Variants in SLIT1 observed in about 807,000 individuals in gnomAD.
SLIT1 encodes the protein slit guidance ligand 1.
Under a neutral mutation model 186.1 loss-of-function variants are expected in SLIT1, and 66 were observed. The observed-to-expected ratio is 0.35, with a 90% CI of 0.29 to 0.44. SLIT1 has a LOEUF of 0.44. Ranked by LOEUF, SLIT1 falls within the 20% of genes least tolerant of loss-of-function variation. The pLI, the probability that SLIT1 is intolerant of heterozygous loss-of-function variation, is 1.00. For synonymous variants in SLIT1, 761 were observed against 833.8 expected (o/e 0.91, Z 1.50); for missense variants, 1,638 against 2,037.4 (o/e 0.80, Z 3.77).
intron 1 of SLIT1, among the ~76,000 whole-genome samples, chr10:97,168,624 C>T (rs1394580968): frequency 1.3e-5 from 2 of 152,176 alleles, no homozygotes; most frequent in African/African-American, 4.8e-5. Flanking sequence ...ACCACTCCCT[C>T]CCTGATTCCC....
At chr10:97,033,154 T>C (rs889126376) in intron 23 of SLIT1, among the ~76,000 whole-genome samples, 1 of 150,424 alleles carries the variant, frequency 6.6e-6, no homozygotes, top group African/African-American at 2.4e-5. Flanking sequence ...GCTCAAACCA[T>C]CCTCCCACCT....
Position 97,006,669 on chromosome 10 carries a change from A to G in SLIT1, c.3393T>C (p.Cys1131=), listed in dbSNP as rs200594842. 39 of 1,614,112 alleles carry G rather than the reference A, an allele frequency of 2.4e-5. No individual in the cohort carries two copies. Among genetic ancestry groups the G allele is most frequent in the Middle Eastern group, 1.6e-4 (1 of 6,062 alleles). The part of the protein sequence containing the change: ...PPHLPAPKSP[C]EGTECQNGAN... ...CCCCATTCTGGCACTCAGTCCCCTCACAGGGGCTCTTGGGGGCAGGCAGAT... is the reference window on the plus strand; with the variant it reads ...CCCCATTCTGGCACTCAGTCCCCTCGCAGGGGCTCTTGGGGGCAGGCAGAT... Residue 1131 remains cysteine (C), a synonymous_variant, in exon 32 of 37, where the codon TGT becomes TGC. Coordinates refer to ENST00000266058, the MANE Select transcript of SLIT1 (RefSeq NM_003061.3). This position sits in a 1 kb window ranked among gnomAD's most constrained non-coding sequence, Gnocchi z 4.0.
At chr10:97,085,147 T>A (rs981262805) in intron 4 of SLIT1, among the ~76,000 whole-genome samples, 5 of 151,858 alleles carry the variant, frequency 3.3e-5, no homozygotes, top group African/African-American at 1.2e-4. Flanking sequence ...ATGGTCTCAA[T>A]CTCCTGACCT....
chr10:97,034,441 G>T (rs762986337), intron 23 of SLIT1, 30 bp downstream of exon 23: 4 of 1,578,938 alleles, frequency 2.5e-6, no homozygotes, highest in Admixed American at 1.7e-5. Context: ...TGGCCCCGGG[G>T]CCCCCCACCC....
intron 4 of SLIT1, among the ~76,000 whole-genome samples, chr10:97,080,652 G>T (rs73320695): frequency 1.3e-5 from 2 of 152,292 alleles, no homozygotes; most frequent in African/African-American, 2.4e-5. Flanking sequence ...CAAACACCCG[G>T]AGCTGGGGCA....
rs1262027553 is a variant in SLIT1, at chr10:97,004,637, T to G, written c.3710+56A>C. On this transcript the variant is annotated intron_variant, in intron 33 of 36. Transcript: ENST00000266058. This position sits in a 1 kb window ranked among gnomAD's most constrained non-coding sequence, Gnocchi z 5.1. ...CCACCTGCTTTTGGCCCAGGAGACC[T>G]CGCCCTGGCAGTCCCGTACCCCTGA... 1.2e-6 allele frequency: 2 copies of G among 1,607,198 alleles called. No individual in the cohort carries two copies. The highest frequency in any genetic ancestry group is 1.7e-6 in the Non-Finnish European group (2 of 1,175,194).
intron 26 of SLIT1, among the ~76,000 whole-genome samples, chr10:97,020,802 G>C (rs998699666): frequency 1.3e-5 from 2 of 152,350 alleles, no homozygotes; most frequent in Admixed American, 6.5e-5. Flanking sequence ...GGAGGGTCCC[G>C]GGGCAAAGCC....
chr10:97,113,533 C>T (rs1215642651), intron 4 of SLIT1, among the ~76,000 whole-genome samples: 2 of 150,300 alleles, frequency 1.3e-5, no homozygotes, highest in Non-Finnish European at 3.0e-5. Context: ...CCACCATGCT[C>T]AGCCCCAAAC....
intron 1 of SLIT1, among the ~76,000 whole-genome samples, chr10:97,168,422 T>C (rs1277047716): frequency 1.3e-5 from 2 of 152,266 alleles, no homozygotes; most frequent in Non-Finnish European, 2.9e-5. Flanking sequence ...ACGATTTTTA[T>C]ATAGTTAATT....
At chr10:97,154,592 C>T (rs1015669763) in intron 4 of SLIT1, 10 of 152,198 alleles carry the variant, frequency 6.6e-5, no homozygotes, top group African/African-American at 2.4e-4. Context: ...TAGAAACACC[C>T]CCCCAAAGGG....
intron 4 of SLIT1, among the ~76,000 whole-genome samples, chr10:97,084,668 C>T (rs1475602296): frequency 1.4e-5 from 2 of 147,974 alleles, no homozygotes; most frequent in Non-Finnish European, 1.5e-5. Flanking sequence ...TGCAATGGCT[C>T]GATCTCAACT....
At chr10:97,048,801 G>A (rs913964952) in intron 14 of SLIT1, among the ~76,000 whole-genome samples, 154 bp downstream of exon 14, 10 of 150,456 alleles carry the variant, frequency 6.6e-5, no homozygotes, top group African/African-American at 2.2e-4. Context: ...GTGGGTAGGC[G>A]GGCAGGTATG....
chr10:97,044,778 T>C (rs901468188), intron 18 of SLIT1, among the ~76,000 whole-genome samples: 1 of 152,228 alleles, frequency 6.6e-6, no homozygotes, highest in African/African-American at 2.4e-5. Flanking sequence ...TACTCCATCT[T>C]TAGGAATTCC....
chr10:97,040,019 G>C lies in SLIT1; in HGVS notation c.2266C>G (p.Pro756Ala). The C allele has an allele frequency of 6.2e-7, 1 of 1,613,694 alleles. No individual in the cohort carries two copies. The change falls in exon 21 of 37, where the codon CCC (proline) becomes GCC (alanine). Residue 756 changes from proline (P) to alanine (A), a missense_variant. By Grantham distance (27) the Pro-to-Ala change is conservative (BLOSUM62 -1). Coordinates refer to ENST00000266058, the MANE Select transcript of SLIT1 (RefSeq NM_003061.3). ...GTGACATTCTTGGGAATGCCCTTGG[G>C]CAGGGCCCGCAGGTGCTTGTTGCTG... ...RCSNKHLRAL[P>A]KGIPKNVTEL...
chr10:97,001,642 C>T (rs867370090), intron 36 of SLIT1, among the ~76,000 whole-genome samples: 33 of 152,242 alleles, frequency 2.2e-4, no homozygotes, highest in African/African-American at 7.0e-4. Flanking sequence ...CTGGAGGCCC[C>T]GGGGGCAATA....
chr10:97,116,347 G>A (rs535331213), intron 4 of SLIT1, among the ~76,000 whole-genome samples: 2 of 152,122 alleles, frequency 1.3e-5, no homozygotes, highest in Non-Finnish European at 2.9e-5. Context: ...TGAGCTAGCC[G>A]AAGCCCACTG....
intron 4 of SLIT1, among the ~76,000 whole-genome samples, chr10:97,133,636 G>C (rs778295595): frequency 6.6e-6 from 1 of 152,166 alleles, no homozygotes; most frequent in Non-Finnish European, 1.5e-5. Flanking sequence ...AAATCATTAT[G>C]ATGGTAAATT....
In SLIT1 at chr10:97,040,085, A is replaced by G. The variant is rs773799100; in HGVS notation, c.2200T>C (p.Cys734Arg). The G allele has an allele frequency of 6.3e-7, 1 of 1,598,482 alleles. No individual in the cohort carries two copies. Among genetic ancestry groups the G allele is most frequent in the African/African-American group, 1.3e-5 (1 of 74,330 alleles). Residue 734 changes from cysteine to arginine, a missense_variant, in exon 21 of 37, where the codon TGC becomes CGC. Physicochemically the swap from Cys to Arg is radical, Grantham distance 180. Coordinates refer to ENST00000266058, the MANE Select transcript of SLIT1 (RefSeq NM_003061.3). ...TCCAGGCAGGCGCACTCCTGTGGGC[A>G]CTGTGGGCGGGGCAGGCAGCCCCCC... The part of the protein sequence containing the change: ...EEGGCLPRPQ[C>R]PQECACLDTV...
intron 1 of SLIT1, among the ~76,000 whole-genome samples, chr10:97,174,209 C>G (rs1850227599): frequency 6.6e-6 from 1 of 152,222 alleles, no homozygotes; most frequent in Admixed American, 6.5e-5. Context: ...AGGCCAGTCT[C>G]CCAGCTACCT....
Sources: gnomAD v4.1 joint callset for allele counts (sites outside exome capture counted in the v4.1 genomes callset) on GRCh38, gnomAD v4.1.1 for gene constraint, Gnocchi (gnomAD v3.1) non-coding constraint, MANE v1.5 for transcripts, NCBI Gene and HGNC (gene_info 2026-07-23, HGNC 2026-07-21) for gene names.